LTBP1: variants seen among roughly 807,000 people sequenced by gnomAD.
LTBP1 encodes latent transforming growth factor beta binding protein 1, also known as latent-transforming growth factor beta-binding protein 1.
A neutral mutation model predicts 207.6 loss-of-function variants in LTBP1; 129 were observed. That is an observed-to-expected ratio of 0.62 (90% CI 0.54 to 0.72). The LOEUF is 0.72. Ranked by LOEUF, LTBP1 falls within the 30% of genes least tolerant of loss-of-function variation. LTBP1 has a pLI of 0.00. For synonymous variants in LTBP1, 963 were observed against 833.7 expected (o/e 1.16, Z -2.67); for missense variants, 2,281 against 2,217.2 (o/e 1.03, Z -0.58).
intron 24 of LTBP1, among the ~76,000 whole-genome samples, chr2:33,335,489 A>G (rs920430105): frequency 1.7e-4 from 26 of 152,320 alleles, no homozygotes; most frequent in African/African-American, 5.8e-4. Context: ...CGATGTTGCC[A>G]GACCTCAGTG....
At chr2:32,968,705 G>C (rs1346890467) in intron 2 of LTBP1, among the ~76,000 whole-genome samples, 1 of 147,514 alleles carries the variant, frequency 6.8e-6, no homozygotes, top group Non-Finnish European at 1.5e-5. Flanking sequence ...TCCTCTTTTT[G>C]TCTTCTACTC....
At chr2:33,128,971 G>C (rs1049054858) in intron 4 of LTBP1, among the ~76,000 whole-genome samples, 1 of 152,212 alleles carries the variant, frequency 6.6e-6, no homozygotes, top group Non-Finnish European at 1.5e-5. Flanking sequence ...GGGATTGCCA[G>C]ATGTGTTCTA....
intron 7 of LTBP1, among the ~76,000 whole-genome samples, chr2:33,208,022 C>T (rs1175100820): frequency 6.6e-6 from 1 of 152,208 alleles, no homozygotes; most frequent in African/African-American, 2.4e-5. Context: ...GTACTTTTCC[C>T]ATAGGGGACT....
intron 3 of LTBP1, among the ~76,000 whole-genome samples, chr2:33,088,181 C>T (rs1402891263): frequency 2.6e-5 from 4 of 152,188 alleles, no homozygotes; most frequent in African/African-American, 4.8e-5. Context: ...GAGCCGGGCG[C>T]GGTGGCTCAC....
chr2:33,106,888 A>G (rs569149041), intron 3 of LTBP1, among the ~76,000 whole-genome samples: 2 of 152,288 alleles, frequency 1.3e-5, no homozygotes, highest in Admixed American at 6.5e-5. Context: ...GTTGGGGAAA[A>G]CAGTTGTCTT....
At chr2:33,060,133 T>C (rs1387444033) in intron 3 of LTBP1, among the ~76,000 whole-genome samples, 1 of 152,210 alleles carries the variant, frequency 6.6e-6, no homozygotes, top group East Asian at 1.9e-4. Flanking sequence ...CACTCCCACA[T>C]ATTTTACCCT....
At chr2:33,354,764 C>G (rs943189528) in intron 26 of LTBP1, among the ~76,000 whole-genome samples, 1 of 151,298 alleles carries the variant, frequency 6.6e-6, no homozygotes, top group Non-Finnish European at 1.5e-5. Context: ...TTTTTTGAGA[C>G]AGGATCTCGC....
intron 9 of LTBP1, among the ~76,000 whole-genome samples, chr2:33,226,951 T>C (rs925236394): frequency 6.6e-6 from 1 of 152,222 alleles, no homozygotes; most frequent in Non-Finnish European, 1.5e-5. Context: ...GATCAGGAAT[T>C]TTTTTGTTCT....
At chr2:33,138,943 C>T (rs2082389798) in intron 5 of LTBP1, among the ~76,000 whole-genome samples, 1 of 145,708 alleles carries the variant, frequency 6.9e-6, no homozygotes, top group South Asian at 2.2e-4. Flanking sequence ...ACTGCAAGCT[C>T]CGCCTCCCGG....
intron 24 of LTBP1, among the ~76,000 whole-genome samples, chr2:33,328,245 C>G (rs184147958): frequency 1.3e-3 from 203 of 151,928 alleles, no homozygotes; most frequent in Admixed American, 3.3e-3. Context: ...GTGAGCATAC[C>G]TGGTAACCAG....
intron 18 of LTBP1, among the ~76,000 whole-genome samples, chr2:33,277,749 AT>A (rs72478622): frequency 0.28 from 30,946 of 111,860 alleles, 4,536 homozygotes; most frequent in Non-Finnish European, 0.35. Flanking sequence ...TCAAATACTG[AT>A]TTTTTTTTCC....
chr2:33,039,250 A>AG (rs1049997360), intron 3 of LTBP1, among the ~76,000 whole-genome samples: 2 of 152,048 alleles, frequency 1.3e-5, no homozygotes, highest in African/African-American at 2.4e-5. Context: ...GGGGTAGGAA[A>AG]GGGGCAAATG....
At chr2:32,966,782 T>C (rs1680073153) in intron 2 of LTBP1, among the ~76,000 whole-genome samples, 1 of 152,156 alleles carries the variant, frequency 6.6e-6, no homozygotes, top group Admixed American at 6.6e-5. Context: ...TTTGCTAATA[T>C]TTTGTTGAGG....
At chr2:33,050,464 C>G (rs548409812) in intron 3 of LTBP1, among the ~76,000 whole-genome samples, 1 of 151,992 alleles carries the variant, frequency 6.6e-6, no homozygotes, top group Non-Finnish European at 1.5e-5. Context: ...AAAGAGTACA[C>G]ACAACTCACC....
At chr2:33,132,371 T>G (rs1261638749) in intron 4 of LTBP1, among the ~76,000 whole-genome samples, 1 of 152,190 alleles carries the variant, frequency 6.6e-6, no homozygotes. Flanking sequence ...TAAAATGTCC[T>G]GTAAGCATTT....
At chr2:32,980,910 T>C (rs563401896) in intron 2 of LTBP1, among the ~76,000 whole-genome samples, 46 of 152,360 alleles carry the variant, frequency 3.0e-4, no homozygotes, top group Admixed American at 8.5e-4. Context: ...CACTCTCTCC[T>C]GGCCTGTAAG....
chr2:33,259,408 T>C (rs1406849701), intron 12 of LTBP1, among the ~76,000 whole-genome samples, 180 bp from the exon 13 acceptor site: 1 of 152,248 alleles, frequency 6.6e-6, no homozygotes, highest in Non-Finnish European at 1.5e-5. Flanking sequence ...CTGAGAGTTC[T>C]CTGTTAGTCA....
At chr2:33,110,130 A>G (rs2080308960) in intron 3 of LTBP1, among the ~76,000 whole-genome samples, 1 of 152,092 alleles carries the variant, frequency 6.6e-6, no homozygotes, top group Non-Finnish European at 1.5e-5. Flanking sequence ...CACTCTTGTC[A>G]TCCAGGCCGG....
intron 13 of LTBP1, among the ~76,000 whole-genome samples, chr2:33,261,503 C>T (rs2093007995): frequency 6.6e-6 from 1 of 152,124 alleles, no homozygotes; most frequent in South Asian, 2.1e-4. Flanking sequence ...TTACAATAAA[C>T]TGAAAATGAG....
Sources: allele counts gnomAD v4.1 joint callset (sites outside exome capture counted in the v4.1 genomes callset), GRCh38; gene constraint gnomAD v4.1.1; transcripts MANE v1.5; gene names NCBI Gene and HGNC (gene_info 2026-07-23, HGNC 2026-07-21).